Variants in SLC44A5 observed in about 807,000 individuals in gnomAD.
SLC44A5 encodes solute carrier family 44 member 5.
SLC44A5 carries 57 observed loss-of-function variants against 101.8 expected under a neutral mutation model. The ratio of observed to expected loss-of-function variants is 0.56; its 90% CI spans 0.45 to 0.70. The LOEUF is 0.70. Ranked by LOEUF, SLC44A5 falls within the 30% of genes least tolerant of loss-of-function variation. SLC44A5 has a pLI of 0.00. For missense variants in SLC44A5, 737 were observed against 853.1 expected (o/e 0.86, Z 1.70); for synonymous variants, 281 against 290.9 (o/e 0.97, Z 0.35).
At chr1:75,581,989 G>A in intron 1 of SLC44A5, 1 of 482,404 alleles carries the variant, frequency 2.1e-6, no homozygotes, top group Non-Finnish European at 3.7e-6. Context: ...CCAGCCTCGG[G>A]TGTTCTTTTA....
chr1:75,568,883 C>A (rs946523849), intron 1 of SLC44A5, among the ~76,000 whole-genome samples: 1 of 152,192 alleles, frequency 6.6e-6, no homozygotes, highest in African/African-American at 2.4e-5. Flanking sequence ...TTATATGAAT[C>A]ATTTATCACC....
intron 1 of SLC44A5, among the ~76,000 whole-genome samples, chr1:75,557,272 T>A (rs1025873399): frequency 8.6e-5 from 13 of 151,972 alleles, no homozygotes; most frequent in African/African-American, 2.4e-4. Flanking sequence ...AAAGAAAAAA[T>A]TTCATCCAGA....
intron 2 of SLC44A5, among the ~76,000 whole-genome samples, chr1:75,430,138 T>C (rs1488876897): frequency 3.3e-5 from 5 of 152,186 alleles, no homozygotes; most frequent in African/African-American, 1.2e-4. Context: ...GATGGGACCT[T>C]CTGGGAAGTG....
At chr1:75,472,845 C>G (rs1298869895) in intron 2 of SLC44A5, among the ~76,000 whole-genome samples, 3 of 152,168 alleles carry the variant, frequency 2.0e-5, no homozygotes, top group African/African-American at 7.2e-5. Context: ...GTTTTGCAGA[C>G]CACCGTGTCC....
intron 13 of SLC44A5, among the ~76,000 whole-genome samples, chr1:75,223,444 T>C (rs1185068259): frequency 6.6e-6 from 1 of 152,212 alleles, no homozygotes; most frequent in East Asian, 1.9e-4. Context: ...TTAGGAAAAG[T>C]GAAGAAACAC....
intron 2 of SLC44A5, among the ~76,000 whole-genome samples, chr1:75,491,718 A>AGCACGCAC (rs966999316): frequency 6.7e-6 from 1 of 148,614 alleles, no homozygotes; most frequent in Non-Finnish European, 1.5e-5. Flanking sequence ...TACACACACA[A>AGCACGCAC]GCACGCACGC....
chr1:75,401,165 G>C (rs1384302145), intron 2 of SLC44A5, among the ~76,000 whole-genome samples: 1 of 152,174 alleles, frequency 6.6e-6, no homozygotes, highest in Non-Finnish European at 1.5e-5. Context: ...TCACTACTTA[G>C]GGCAAGAAAT....
intron 2 of SLC44A5, among the ~76,000 whole-genome samples, chr1:75,489,893 C>T (rs10874311): frequency 0.3 from 45,986 of 151,890 alleles, 7,869 homozygotes; most frequent in East Asian, 0.8. Flanking sequence ...TACTCAGCTT[C>T]ATTACACACT....
intron 1 of SLC44A5, among the ~76,000 whole-genome samples, chr1:75,556,545 C>A (rs1672226176): frequency 6.6e-6 from 1 of 152,082 alleles, no homozygotes; most frequent in Non-Finnish European, 1.5e-5. Context: ...TTCATTTCAT[C>A]CCTGCAACAA....
the SLC44A5 span, among the ~76,000 whole-genome samples, chr1:75,620,790 C>A: frequency 6.6e-6 from 1 of 152,136 alleles, no homozygotes; most frequent in Non-Finnish European, 1.5e-5. Flanking sequence ...TGCCTTTGCA[C>A]TCTGATGATA....
chr1:75,337,024 G>C (rs1657497165), intron 4 of SLC44A5, among the ~76,000 whole-genome samples: 1 of 152,094 alleles, frequency 6.6e-6, no homozygotes, highest in Non-Finnish European at 1.5e-5. Context: ...TTTAAATATA[G>C]ACTTAGAAGT....
rs542673129 is a variant in SLC44A5, at chr1:75,257,956, C to T, written c.261-6662G>A. Among the ~76,000 whole-genome samples, 68 of 152,214 alleles carry T rather than the reference C, an allele frequency of 4.5e-4. 1 individual carries two copies. Among genetic ancestry groups the T allele is most frequent in the Non-Finnish European group, 3.2e-4 (22 of 68,026 alleles). Reference sequence around the variant, plus strand: ...CCAGGAAGCATAAGGGGTCAGGGAACTCCCTCTCCTAGCCTAAGGAAATAG... The same window carrying T: ...CCAGGAAGCATAAGGGGTCAGGGAATTCCCTCTCCTAGCCTAAGGAAATAG... On this transcript the variant is annotated intron_variant, in intron 6 of 23. Coordinates refer to ENST00000370859, the MANE Select transcript of SLC44A5 (RefSeq NM_001130058.2).
intron 1 of SLC44A5, among the ~76,000 whole-genome samples, chr1:75,572,264 A>G (rs1345839631): frequency 6.6e-6 from 1 of 152,200 alleles, no homozygotes; most frequent in Non-Finnish European, 1.5e-5. Context: ...AGGGCAGACT[A>G]GACCCAGTGG....
chr1:75,348,160 CTT>C (rs1289470133), intron 3 of SLC44A5, among the ~76,000 whole-genome samples: 1 of 151,804 alleles, frequency 6.6e-6, no homozygotes, highest in Non-Finnish European at 1.5e-5. Flanking sequence ...CTCTCTCTCT[CTT>C]TCTCTCTCTC....
At chr1:75,532,945 A>G (rs1043610510) in intron 2 of SLC44A5, among the ~76,000 whole-genome samples, 1 of 152,258 alleles carries the variant, frequency 6.6e-6, no homozygotes, top group Non-Finnish European at 1.5e-5. Context: ...ATTGATATTT[A>G]TCTTATTACT....
chr1:75,652,077 C>T, the SLC44A5 span, among the ~76,000 whole-genome samples: 22 of 152,172 alleles, frequency 1.4e-4, no homozygotes, highest in African/African-American at 5.3e-4. Context: ...GATAACCTTC[C>T]TCTGGGAACA....
At chr1:75,316,998 T>C (rs964715636) in intron 4 of SLC44A5, among the ~76,000 whole-genome samples, 2 of 152,224 alleles carry the variant, frequency 1.3e-5, no homozygotes, top group Admixed American at 1.3e-4. Context: ...AGATTGTTTT[T>C]GATAACATTT....
At chr1:75,643,513 T>C in the SLC44A5 span, among the ~76,000 whole-genome samples, 1 of 152,192 alleles carries the variant, frequency 6.6e-6, no homozygotes, top group Non-Finnish European at 1.5e-5. Flanking sequence ...TGTAAATACC[T>C]TTAGGTCATT....
intron 3 of SLC44A5, among the ~76,000 whole-genome samples, chr1:75,354,513 CTTTG>C (rs937610794): frequency 2.0e-5 from 3 of 152,148 alleles, no homozygotes; most frequent in African/African-American, 4.8e-5. Context: ...CTACCTGTTT[CTTTG>C]TTTGAGCACC....
Sources: allele counts gnomAD v4.1 joint callset (sites outside exome capture counted in the v4.1 genomes callset), GRCh38; gene constraint gnomAD v4.1.1; transcripts MANE v1.5; gene names NCBI Gene and HGNC (gene_info 2026-07-23, HGNC 2026-07-21).